The following CCNC variants were observed in gnomAD, a reference collection of about 807,000 sequenced individuals.
CCNC encodes cyclin-C.
CCNC carries 19 observed loss-of-function variants against 50.0 expected under a neutral mutation model. That is an observed-to-expected ratio of 0.38 (90% CI 0.27 to 0.56). CCNC has a LOEUF of 0.56. Among genes scored for constraint, CCNC ranks in the 20% least tolerant of loss-of-function variants. The pLI, the probability that CCNC is intolerant of heterozygous loss-of-function variation, is 0.72. For missense variants in CCNC, 200 were observed against 327.1 expected, an observed-to-expected ratio of 0.61 and a Z score of 3.00; for synonymous variants, 93 against 103.7, an observed-to-expected ratio of 0.90 and a Z score of 0.63.
Position 99,542,463 on chromosome 6 carries a change from T to C in CCNC, c.*1092A>G, listed in dbSNP as rs1328885543. 1 of 152,532 alleles carries C rather than the reference T, an allele frequency of 6.6e-6. No homozygotes were observed. The highest frequency in any genetic ancestry group is 1.5e-5 in the Non-Finnish European group (1 of 68,018). The allele number at this position is 152,532 out of a possible 1,614,324, so 9.4% of individuals were successfully genotyped here. A position where few individuals can be genotyped will look rare whatever the true frequency, so the allele number is the denominator to read the frequency against. On this transcript the variant is annotated 3_prime_UTR_variant, in exon 12 of 12. Transcript: ENST00000520429. ...CATTTAATAAGCCATCATCCACAATTGATTAAAAATGTTTAATCCTTAAAT... is the reference window on the plus strand; with the variant it reads ...CATTTAATAAGCCATCATCCACAATCGATTAAAAATGTTTAATCCTTAAAT...
At position 99,550,255 on chromosome 6, in the gene CCNC, C is replaced by T; in HGVS notation, c.493G>A (p.Asp165Asn). ...AGCAACATGTCTTCTTGGCCCATGT[C>T]CTGCACATACTGGAGCAAAGGTCTA... ...PYRPLLQYVQ[D>N]MGQEDMLLPL... Residue 165 changes from aspartate (D) to asparagine (N), a missense_variant, in exon 8 of 12, where the codon GAC becomes AAC. By Grantham distance (23) the Asp-to-Asn change is conservative. Transcript: ENST00000520429. The T allele has an allele frequency of 6.2e-7, 1 of 1,613,262 alleles. No individual in the cohort carries two copies. The highest frequency in any genetic ancestry group is 8.5e-7 in the Non-Finnish European group (1 of 1,179,520).
At chr6:99,565,741 A>G (rs578237283) in intron 1 of CCNC, among the ~76,000 whole-genome samples, 1 of 151,996 alleles carries the variant, frequency 6.6e-6, no homozygotes, top group Non-Finnish European at 1.5e-5. Context: ...TTAGTTTTTT[A>G]ATACCTTTAC....
chr6:99,551,169 CAT>C (rs1198246485), intron 6 of CCNC, 141 bp from the exon 7 acceptor site: 6 of 342,876 alleles, frequency 1.7e-5, no homozygotes, highest in South Asian at 1.0e-4. Flanking sequence ...AGACAATAAA[CAT>C]AGTTTATATT....
intron 9 of CCNC, 30 bp from the exon 10 acceptor site, chr6:99,546,504 T>C (rs954934936): frequency 2.2e-6 from 3 of 1,358,378 alleles, no homozygotes; most frequent in Admixed American, 3.4e-5. Context: ...CAACTGTCCA[T>C]GTTTAACTGC....
At chr6:99,549,137 AC>A (rs1802190045) in intron 9 of CCNC, among the ~76,000 whole-genome samples, 2 of 151,952 alleles carry the variant, frequency 1.3e-5, no homozygotes, top group Admixed American at 1.3e-4. Flanking sequence ...CCTTTACTCA[AC>A]CTCTGAGTAT....
At chr6:99,545,445 C>T in intron 10 of CCNC, among the ~76,000 whole-genome samples, 1 of 152,180 alleles carries the variant, frequency 6.6e-6, no homozygotes, top group Non-Finnish European at 1.5e-5. Flanking sequence ...CCATTCTTAT[C>T]TATCTCTGCA....
intron 5 of CCNC, among the ~76,000 whole-genome samples, chr6:99,554,190 GT>G (rs1196674161): frequency 2.6e-4 from 25 of 97,890 alleles, no homozygotes; most frequent in Non-Finnish European, 4.6e-4. Context: ...GAGAAAATGG[GT>G]TTTTGACAGG....
intron 1 of CCNC, among the ~76,000 whole-genome samples, chr6:99,564,851 T>C (rs1769051191): frequency 6.6e-6 from 1 of 152,154 alleles, no homozygotes; most frequent in Admixed American, 6.5e-5. Flanking sequence ...TAAAAAACAA[T>C]TCACCCATAT....
intron 5 of CCNC, 59 bp downstream of exon 5, chr6:99,558,438 G>T (rs1161451342): frequency 3.8e-6 from 6 of 1,574,376 alleles, no homozygotes; most frequent in Non-Finnish European, 5.2e-6. Context: ...AAAAATCTAT[G>T]TACTCTGGAG....
chr6:99,561,560 A>G (rs370366905), intron 3 of CCNC, 37 bp downstream of exon 3: 49 of 1,456,356 alleles, frequency 3.4e-5, no homozygotes, highest in Non-Finnish European at 4.5e-5. Flanking sequence ...TCAACATTAG[A>G]TAAGAGTTCA....
chr6:99,564,344 G>T (rs1769014914), intron 1 of CCNC, among the ~76,000 whole-genome samples: 1 of 149,022 alleles, frequency 6.7e-6, no homozygotes, highest in African/African-American at 2.5e-5. Flanking sequence ...AGAACTGCTT[G>T]AACCCGGGAG....
chr6:99,563,811 A>T (rs1768975320), intron 1 of CCNC, among the ~76,000 whole-genome samples: 1 of 152,160 alleles, frequency 6.6e-6, no homozygotes, highest in Admixed American at 6.5e-5. Context: ...TTCTATCATT[A>T]TACTTGGATC....
At chr6:99,563,313 A>G (rs1768932838) in intron 1 of CCNC, among the ~76,000 whole-genome samples, 1 of 152,166 alleles carries the variant, frequency 6.6e-6, no homozygotes, top group African/African-American at 2.4e-5. Context: ...TTTGGCACCA[A>G]TTGATGGTGG....
intron 1 of CCNC, among the ~76,000 whole-genome samples, chr6:99,565,827 A>C (rs1342218426): frequency 6.6e-6 from 1 of 152,048 alleles, no homozygotes; most frequent in Admixed American, 6.5e-5. Context: ...ATGTAATGTT[A>C]GACTGCATTT....
intron 9 of CCNC, among the ~76,000 whole-genome samples, chr6:99,547,738 T>A (rs955884133): frequency 6.6e-6 from 1 of 152,068 alleles, no homozygotes; most frequent in African/African-American, 2.4e-5. Flanking sequence ...GGCAAAATTA[T>A]CCCCAGGTGA....
chr6:99,565,561 A>AT (rs1165716970), intron 1 of CCNC, among the ~76,000 whole-genome samples: 1 of 151,792 alleles, frequency 6.6e-6, no homozygotes, highest in Admixed American at 6.6e-5. Flanking sequence ...CATTCTTTCT[A>AT]TATCTCCTTT....
At chr6:99,549,737 G>T (rs759826040) in intron 8 of CCNC, 162 bp from the exon 9 acceptor site, 18 of 495,810 alleles carry the variant, frequency 3.6e-5, no homozygotes, top group Non-Finnish European at 6.5e-5. Context: ...CAAAAGGATG[G>T]ATACATGAAT....
chr6:99,563,173 C>T (rs1462253755), intron 1 of CCNC, among the ~76,000 whole-genome samples: 1 of 152,144 alleles, frequency 6.6e-6, no homozygotes, highest in Non-Finnish European at 1.5e-5. Flanking sequence ...CCTCCTTAGT[C>T]TGTTACTAGC....
intron 10 of CCNC, among the ~76,000 whole-genome samples, chr6:99,545,936 C>T (rs1802050413): frequency 1.3e-5 from 2 of 152,058 alleles, no homozygotes; most frequent in South Asian, 4.1e-4. Context: ...AAAAGAGATA[C>T]ATAACTTAAA....
Sources: allele counts gnomAD v4.1 joint callset (sites outside exome capture counted in the v4.1 genomes callset), GRCh38; gene constraint gnomAD v4.1.1; transcripts MANE v1.5; gene names NCBI Gene and HGNC (gene_info 2026-07-23, HGNC 2026-07-21).